Variants in TMEM135 observed in about 807,000 individuals in gnomAD.
TMEM135 encodes the protein peroxisomal membrane protein 52.
Under a neutral mutation model 60.3 loss-of-function variants are expected in TMEM135, and 30 were observed. The ratio of observed to expected loss-of-function variants is 0.50; its 90% confidence interval spans 0.37 to 0.68. The LOEUF (loss-of-function observed/expected upper bound fraction) is 0.68, where lower values mean the gene tolerates loss of function less well. Among genes scored for constraint, TMEM135 ranks in the 30% least tolerant of loss-of-function variants. The pLI, the probability that TMEM135 is intolerant of heterozygous loss-of-function variation, is 0.00. For missense variants in TMEM135, 468 were observed against 548.8 expected, an observed-to-expected ratio of 0.85 and a Z score of 1.47; for synonymous variants, 190 against 186.7, an observed-to-expected ratio of 1.02 and a Z score of -0.14.
intron 6 of TMEM135, among the ~76,000 whole-genome samples, chr11:87,288,702 T>G (rs1942211649): frequency 6.6e-6 from 1 of 152,240 alleles, no homozygotes; most frequent in African/African-American, 2.4e-5. Context: ...GCCCTAAAGT[T>G]AAGTGATTTA....
At chr11:87,154,987 T>TTTTATTTA (rs201665936) in intron 4 of TMEM135, among the ~76,000 whole-genome samples, 1,787 of 122,316 alleles carry the variant, frequency 0.015, 23 homozygotes, top group African/African-American at 0.019. Context: ...TGAAATCCAG[T>TTTTATTTA]TTTATTTATT....
intron 4 of TMEM135, among the ~76,000 whole-genome samples, chr11:87,117,833 C>T (rs1423528351): frequency 3.9e-5 from 6 of 152,252 alleles, no homozygotes; most frequent in African/African-American, 1.2e-4. Context: ...GAGTTCTTTC[C>T]AGAAGGTTTA....
intron 5 of TMEM135, among the ~76,000 whole-genome samples, chr11:87,171,342 T>TTTG (rs34126459): frequency 0.37 from 55,425 of 151,314 alleles, 10,623 homozygotes; most frequent in East Asian, 0.67. Context: ...TGTAGTGTTT[T>TTTG]TTTTTTTTTT....
chr11:87,255,426 A>G (rs1300376580), intron 6 of TMEM135, among the ~76,000 whole-genome samples: 2 of 152,240 alleles, frequency 1.3e-5, no homozygotes, highest in Non-Finnish European at 2.9e-5. Flanking sequence ...CATTATTTAT[A>G]TCTTTCTGGA....
At chr11:87,248,500 C>G (rs1313986065) in intron 6 of TMEM135, among the ~76,000 whole-genome samples, 1 of 152,108 alleles carries the variant, frequency 6.6e-6, no homozygotes, top group Non-Finnish European at 1.5e-5. Context: ...TGTATGTCTT[C>G]TTTTGAAGAA....
chr11:87,107,036 A>G (rs1235756905), intron 4 of TMEM135, among the ~76,000 whole-genome samples: 2 of 152,174 alleles, frequency 1.3e-5, no homozygotes, highest in African/African-American at 2.4e-5. Flanking sequence ...GACAGCACCA[A>G]GCCATGAGGG....
In TMEM135 at chr11:87,298,536, C is replaced by G. The variant is rs1364186278; in HGVS notation, c.551+2713C>G. On this transcript the variant is annotated intron_variant, in intron 7 of 14. Coordinates refer to ENST00000305494, the MANE Select transcript of TMEM135 (RefSeq NM_022918.4). ...GGGCATGGTAGCTAACGCCTCTAAT[C>G]CCAGCACTTTGGGAGGCCAAGGCGG... 2.6e-5 allele frequency among the ~76,000 whole-genome samples: 4 copies of G among 152,276 alleles called. No homozygotes were observed. The East Asian group carries it at 7.7e-4, about 29-fold the overall frequency.
intron 3 of TMEM135, among the ~76,000 whole-genome samples, chr11:87,076,977 C>T (rs1856886327): frequency 6.6e-6 from 1 of 152,162 alleles, no homozygotes; most frequent in Non-Finnish European, 1.5e-5. Context: ...ACACTATAGA[C>T]TTCATTCAGT....
rs566242105 is a variant in TMEM135, at chr11:87,327,929, A to T, written c.*6596A>T. ...TTTATTCTACCCAGGCCTCCAGTGG[A>T]TTGGAGGTGCCTGCCCATATTGAGG... is the stretch of plus-strand genomic sequence containing the variant. On this transcript the variant is annotated 3_prime_UTR_variant, in exon 15 of 15. Transcript: ENST00000305494. 1.8e-4 allele frequency: 80 copies of T among 453,928 alleles called. No individual in the cohort carries two copies. Among genetic ancestry groups the T allele is most frequent in the African/African-American group, 1.5e-3 (75 of 50,062 alleles). The allele number at this position is 453,928 out of a possible 1,614,324, so 28.1% of individuals were successfully genotyped here.
intron 1 of TMEM135, among the ~76,000 whole-genome samples, chr11:87,039,593 G>A (rs1053238016): frequency 3.9e-5 from 6 of 152,138 alleles, no homozygotes; most frequent in African/African-American, 1.4e-4. Flanking sequence ...TGGATACAGG[G>A]CCTTGTTGTA....
At chr11:87,142,339 G>A (rs1938285580) in intron 4 of TMEM135, among the ~76,000 whole-genome samples, 1 of 152,204 alleles carries the variant, frequency 6.6e-6, no homozygotes, top group South Asian at 2.1e-4. Flanking sequence ...TGAGGGCATG[G>A]ATAGAGTACT....
chr11:87,255,882 T>C (rs1941519021), intron 6 of TMEM135, among the ~76,000 whole-genome samples: 1 of 152,196 alleles, frequency 6.6e-6, no homozygotes, highest in Non-Finnish European at 1.5e-5. Context: ...TTAAAGGATA[T>C]ATATTCATTT....
At chr11:87,168,457 C>G in intron 5 of TMEM135, among the ~76,000 whole-genome samples, 1 of 152,098 alleles carries the variant, frequency 6.6e-6, no homozygotes, top group East Asian at 1.9e-4. Context: ...TATAAATTTC[C>G]CTCTAAAGAC....
chr11:87,311,531 C>T (rs907833882), intron 10 of TMEM135, among the ~76,000 whole-genome samples: 1 of 151,970 alleles, frequency 6.6e-6, no homozygotes, highest in East Asian at 1.9e-4. Context: ...TTTTTAGCCC[C>T]AGGTTGGTTA....
intron 5 of TMEM135, among the ~76,000 whole-genome samples, chr11:87,205,367 T>C (rs493611): frequency 0.13 from 19,603 of 152,154 alleles, 1,317 homozygotes; most frequent in Non-Finnish European, 0.15. Context: ...AAGCATGATG[T>C]GGTGAAAACA....
chr11:87,074,369 T>C (rs1049384037), intron 3 of TMEM135, among the ~76,000 whole-genome samples: 1 of 151,558 alleles, frequency 6.6e-6, no homozygotes, highest in African/African-American at 2.4e-5. Context: ...ATTATTTTTG[T>C]TTTTTTTGCC....
In TMEM135 at chr11:87,064,386, A is replaced by G. The variant is rs946415966; in HGVS notation, c.142-3308A>G. ...TTAACTCTTTATCCAGTTTCTCCCA[A>G]TTGTTTCATCTTGCAAAGTAGTAGT... On this transcript the variant is annotated intron_variant, in intron 1 of 14. Transcript: ENST00000305494. 3.9e-5 allele frequency among the ~76,000 whole-genome samples: 6 copies of G among 152,024 alleles called. No individual in the cohort carries two copies. The East Asian group carries it at 9.6e-4, about 24-fold the overall frequency.
intron 5 of TMEM135, among the ~76,000 whole-genome samples, chr11:87,227,728 A>G (rs564447929): frequency 1.1e-4 from 16 of 152,184 alleles, no homozygotes; most frequent in Non-Finnish European, 2.1e-4. Flanking sequence ...GACTTTGAAC[A>G]CACATTGTAA....
intron 6 of TMEM135, among the ~76,000 whole-genome samples, chr11:87,282,091 G>A (rs530084058): frequency 6.6e-6 from 1 of 152,154 alleles, no homozygotes; most frequent in Non-Finnish European, 1.5e-5. Flanking sequence ...TCTGAATTCA[G>A]GAGGTCTGGA....
Sources: gnomAD v4.1 joint callset for allele counts (sites outside exome capture counted in the v4.1 genomes callset) on GRCh38, gnomAD v4.1.1 for gene constraint, MANE v1.5 for transcripts, NCBI Gene and HGNC (gene_info 2026-07-23, HGNC 2026-07-21) for gene names.